The following GALT variants were observed in gnomAD, a reference collection of about 807,000 sequenced individuals.
GALT encodes the protein galactose-1-phosphate uridylyltransferase, also known as UDP-glucose--hexose-1-phosphate uridylyltransferase.
Under a neutral mutation model 55.4 loss-of-function variants are expected in GALT, and 42 were observed. The observed-to-expected ratio is 0.76, with a 90% CI of 0.59 to 0.98. The LOEUF is 0.98. Among genes scored for constraint, GALT ranks in the 50% least tolerant of loss-of-function variants. GALT has a pLI of 0.00. For missense variants in GALT, 407 were observed against 495.7 expected (o/e 0.82, Z 1.70); for synonymous variants, 154 against 181.5 (o/e 0.85, Z 1.22).
At chr9:34,649,205 G>A in intron 9 of GALT, 124 bp downstream of exon 9, 2 of 1,241,700 alleles carry the variant, frequency 1.6e-6, no homozygotes, top group Non-Finnish European at 2.4e-6. Context: ...AGTGGCCAGA[G>A]TAGAGATGCT....
rs111033792 is a variant in GALT at position 34,649,462 on chromosome 9, C to G, written c.957C>G (p.His319Gln). 1 of 1,614,158 alleles carries G rather than the reference C, an allele frequency of 6.2e-7. No homozygotes were observed. Among genetic ancestry groups the G allele is most frequent in the Non-Finnish European group, 8.5e-7 (1 of 1,180,028 alleles). Residue 319 changes from histidine (H) to glutamine (Q), a missense_variant, in exon 10 of 11, where the codon CAC becomes CAG. By Grantham distance (24) the His-to-Gln change is conservative. Transcript: ENST00000378842. ...AGANWNHWQL[H>Q]AHYYPPLLRS... ...CCAACTGGAACCATTGGCAGCTGCA[C>G]GCTCATTACTACCCTCCGCTCCTGC...
At position 34,650,711 on chromosome 9, in the gene GALT, A is replaced by G. The variant is rs1272907999; in HGVS notation, c.*262A>G. Reference sequence around the variant, plus strand: ...AAATCTTGATGCAAAAATCTACCCCAAATTTCTGAACAAAATTAATATTCA... The same window carrying G: ...AAATCTTGATGCAAAAATCTACCCCGAATTTCTGAACAAAATTAATATTCA... On this transcript the variant is annotated 3_prime_UTR_variant, in exon 11 of 11. Transcript: ENST00000378842. The G allele has an allele frequency of 2.0e-6, 1 of 499,604 alleles. No homozygotes were observed. Among genetic ancestry groups the G allele is most frequent in the Non-Finnish European group, 3.6e-6 (1 of 277,790 alleles). The allele number at this position is 499,604 out of a possible 1,614,324, so 30.9% of individuals were successfully genotyped here.
intron 10 of GALT, 34 bp from the exon 11 acceptor site, chr9:34,650,335 T>C: frequency 6.8e-7 from 1 of 1,476,528 alleles, no homozygotes; most frequent in Non-Finnish European, 9.5e-7. Flanking sequence ...GCCCAGCCCT[T>C]ATCCTCCTTA....
Position 34,647,334 on chromosome 9 carries a change from A to G in GALT, c.252+76A>G, listed in dbSNP as rs1821129087. ...CCTCTTAGAACTGTCCTCCACCCAC[A>G]GGGATAGTGAACCTCCTTCTGGGTC... On this transcript the variant is annotated intron_variant, in intron 2 of 10. Transcript: ENST00000378842. This position sits in a 1 kb window ranked among gnomAD's most constrained non-coding sequence, Gnocchi z 5.6. 1 of 1,603,314 alleles carries G rather than the reference A, an allele frequency of 6.2e-7. No individual in the cohort carries two copies. The highest frequency in any genetic ancestry group is 8.5e-7 in the Non-Finnish European group (1 of 1,171,142).
At position 34,647,433 on chromosome 9, in the gene GALT, C is replaced by T; in HGVS notation, c.253-59C>T. 6.3e-7 allele frequency: 1 copy of T among 1,580,756 alleles called. No homozygotes were observed. The highest frequency in any genetic ancestry group is 8.7e-7 in the Non-Finnish European group (1 of 1,149,754). ...CTTGTAGCCTGTCCAGTCTTTGAAG[C>T]CCACCAGGTAACTGGTGGTATGGGG... On this transcript the variant is annotated intron_variant, in intron 2 of 10. Coordinates refer to ENST00000378842, the MANE Select transcript of GALT (RefSeq NM_000155.4). The surrounding 1 kb of genome is among the most constrained non-coding windows in gnomAD (Gnocchi z 5.6).
Position 34,646,701 on chromosome 9 carries a change from C to A in GALT, c.-4C>A. 1 of 1,613,706 alleles carries A rather than the reference C, an allele frequency of 6.2e-7. No individual in the cohort carries two copies. The highest frequency in any genetic ancestry group is 2.2e-5 in the East Asian group (1 of 44,856). ...GATTTTCCAGCGGATCCCCCGGTGG[C>A]CTCATGTCGCGCAGTGGAACCGATC... On this transcript the variant is annotated 5_prime_UTR_variant, in exon 1 of 11. Coordinates refer to ENST00000378842, the MANE Select transcript of GALT (RefSeq NM_000155.4).
Position 34,648,121 on chromosome 9 carries a change from G to A in GALT, c.514G>A (p.Glu172Lys), listed in dbSNP as rs780156428. Residue 172 changes from glutamate (E) to lysine (K), a missense_variant, in exon 6 of 11, where the codon GAA becomes AAA. Coordinates refer to ENST00000378842, the MANE Select transcript of GALT (RefSeq NM_000155.4). This position sits in a 1 kb window ranked among gnomAD's most constrained non-coding sequence, Gnocchi z 4.9. ...CCGTATCCCTATCTGATAGATCTTT[G>A]AAAACAAAGGTGCCATGATGGGCTG... ...GAQYPWVQIF[E>K]NKGAMMGCSN... The A allele has an allele frequency of 6.2e-7, 1 of 1,614,164 alleles. No homozygotes were observed. Among genetic ancestry groups the A allele is most frequent in the Non-Finnish European group, 8.5e-7 (1 of 1,180,018 alleles).
At chr9:34,646,862 C>G in intron 1 of GALT, 76 bp downstream of exon 1, 1 of 1,609,914 alleles carries the variant, frequency 6.2e-7, no homozygotes, top group African/African-American at 1.3e-5. Context: ...TTCGTCCCCT[C>G]CGAAGGTTGG....
At chr9:34,649,312 T>C in intron 9 of GALT, 98 bp from the exon 10 acceptor site, 1 of 1,495,556 alleles carries the variant, frequency 6.7e-7, no homozygotes, top group Admixed American at 1.7e-5. Flanking sequence ...TCCTGGGAGA[T>C]GTAGTTTTCA....
intron 10 of GALT, chr9:34,650,109 G>A (rs1821216858): frequency 2.4e-5 from 11 of 463,214 alleles, no homozygotes; most frequent in South Asian, 7.3e-5. Context: ...GGAAGCCCTC[G>A]TCTCTACAAA....
At position 34,647,466 on chromosome 9, in the gene GALT, T is replaced by TGGA. The variant is rs1352541910; in HGVS notation, c.253-25_253-24insGAG. ...GTAACTGGTGGTATGGGGCAGTGAG[T>TGGA]GCTTCTAGCCTATCCTTGTCGGTAG... On this transcript the variant is annotated intron_variant, in intron 2 of 10. Transcript: ENST00000378842. The surrounding 1 kb of genome is among the most constrained non-coding windows in gnomAD (Gnocchi z 5.6). 2 of 1,612,814 alleles carry TGGA rather than the reference T, an allele frequency of 1.2e-6. No homozygotes were observed. Among genetic ancestry groups the TGGA allele is most frequent in the Non-Finnish European group, 1.7e-6 (2 of 1,179,008 alleles).
Position 34,646,747 on chromosome 9 carries a change from T to A in GALT, c.43T>A (p.Ser15Thr), listed in dbSNP as rs756267534. The A allele has an allele frequency of 7.4e-6, 12 of 1,613,544 alleles. No homozygotes were observed. The highest frequency in any genetic ancestry group is 9.3e-6 in the Non-Finnish European group (11 of 1,179,960). The change falls in exon 1 of 11, where the codon TCA becomes ACA. Residue 15 changes from serine to threonine, a missense_variant. Transcript: ENST00000378842. Reference protein sequence around the residue: ...GTDPQQRQQASEADAAAATFR... With the variant: ...GTDPQQRQQATEADAAAATFR... The stretch of plus-strand genomic sequence containing the variant: ...CGATCCTCAGCAACGCCAGCAGGCG[T>A]CAGAGGCGGACGCCGCAGCAGCAAC...
Position 34,647,245 on chromosome 9 carries a change from G to A in GALT, c.239G>A (p.Arg80Gln), listed in dbSNP as rs1821126232. The part of the protein sequence containing the change: ...PLNPLCPGAI[R>Q]ANGEVNPQYD... ...AACCCTCTGTGTCCTGGGGCCATCC[G>A]AGCCAACGGAGAGGTAAGCCTGTAG... Residue 80 changes from arginine to glutamine, a missense_variant, in exon 2 of 11, where the codon CGA (arginine) becomes CAA (glutamine). By Grantham distance (43) the Arg-to-Gln change is conservative (BLOSUM62 1). Coordinates refer to ENST00000378842, the MANE Select transcript of GALT (RefSeq NM_000155.4). This position sits in a 1 kb window ranked among gnomAD's most constrained non-coding sequence, Gnocchi z 5.6. 6.2e-7 allele frequency: 1 copy of A among 1,614,058 alleles called. No homozygotes were observed.
Position 34,648,254 on chromosome 9 carries a change from G to C in GALT, c.565-80G>C. The stretch of plus-strand genomic sequence containing the variant: ...ACATGGGAACAGGATTAATGGATGG[G>C]ACAGAGGAAATATGCCAATGATGTG... On this transcript the variant is annotated intron_variant, in intron 6 of 10. Coordinates refer to ENST00000378842, the MANE Select transcript of GALT (RefSeq NM_000155.4). The surrounding 1 kb of genome is among the most constrained non-coding windows in gnomAD (Gnocchi z 4.9). 2.5e-6 allele frequency: 4 copies of C among 1,613,794 alleles called. No individual in the cohort carries two copies. The highest frequency in any genetic ancestry group is 3.4e-6 in the Non-Finnish European group (4 of 1,180,034).
At position 34,648,142 on chromosome 9, in the gene GALT, G is replaced by A. The variant is rs1473851511; in HGVS notation, c.535G>A (p.Gly179Ser). The change falls in exon 6 of 11, where the codon GGC (glycine) becomes AGC (serine). Residue 179 changes from glycine to serine, a missense_variant. Physicochemically the swap from Gly to Ser is moderately conservative, Grantham distance 56 (BLOSUM62 0). Coordinates refer to ENST00000378842, the MANE Select transcript of GALT (RefSeq NM_000155.4). This position sits in a 1 kb window ranked among gnomAD's most constrained non-coding sequence, Gnocchi z 4.9. ...QIFENKGAMM[G>S]CSNPHPHCQV... is the part of the protein sequence containing the mutation. ...CTTTGAAAACAAAGGTGCCATGATG[G>A]GCTGTTCTAACCCCCACCCCCACTG... 6.2e-7 allele frequency: 1 copy of A among 1,614,166 alleles called. No individual in the cohort carries two copies. Among genetic ancestry groups the A allele is most frequent in the South Asian group, 1.1e-5 (1 of 91,080 alleles).
chr9:34,647,823 A>G lies in GALT; in HGVS notation c.378-9A>G, dbSNP rs371470838. ...CCTCTCGGTTATCTTTTCTCCCGTCACCACCCAGTAAGGTCATGTGCTTCC... is the reference window on the plus strand; with the variant it reads ...CCTCTCGGTTATCTTTTCTCCCGTCGCCACCCAGTAAGGTCATGTGCTTCC... On this transcript the variant is annotated splice_polypyrimidine_tract_variant and intron_variant, in intron 4 of 10. Transcript: ENST00000378842. This position sits in a 1 kb window ranked among gnomAD's most constrained non-coding sequence, Gnocchi z 5.6. The G allele has an allele frequency of 4.9e-5, 79 of 1,614,040 alleles. No individual in the cohort carries two copies. Among genetic ancestry groups the G allele is most frequent in the Non-Finnish European group, 6.4e-5 (76 of 1,180,044 alleles).
At chr9:34,646,824 G>C (rs1490381276) in intron 1 of GALT, 38 bp downstream of exon 1, 1 of 1,612,808 alleles carries the variant, frequency 6.2e-7, no homozygotes, top group East Asian at 2.2e-5. Context: ...GGGGCGCGGA[G>C]CCGAGCCCTC....
Position 34,647,284 on chromosome 9 carries a change from C to T in GALT, c.252+26C>T. 1 of 1,613,808 alleles carries T rather than the reference C, an allele frequency of 6.2e-7. No individual in the cohort carries two copies. Among genetic ancestry groups the T allele is most frequent in the Non-Finnish European group, 8.5e-7 (1 of 1,179,806 alleles). ...GTAAGCCTGTAGAGCCCTGCATCTG[C>T]AGGCTGGGCCACGGGGAGTAGTTCC... is the stretch of plus-strand genomic sequence containing the variant. On this transcript the variant is annotated intron_variant, in intron 2 of 10. Coordinates refer to ENST00000378842, the MANE Select transcript of GALT (RefSeq NM_000155.4). The surrounding 1 kb of genome is among the most constrained non-coding windows in gnomAD (Gnocchi z 5.6).
chr9:34,646,871 G>C, intron 1 of GALT, 85 bp downstream of exon 1: 1 of 1,609,028 alleles, frequency 6.2e-7, no homozygotes. Context: ...TCCGAAGGTT[G>C]GAACGCTCAT....
Sources: gnomAD v4.1 joint callset for allele counts on GRCh38, gnomAD v4.1.1 for gene constraint, Gnocchi (gnomAD v3.1) non-coding constraint, MANE v1.5 for transcripts, NCBI Gene and HGNC (gene_info 2026-07-23, HGNC 2026-07-21) for gene names.